The following BCAS1 variants were observed in gnomAD, a reference collection of about 807,000 sequenced individuals.
BCAS1 encodes brain enriched myelin associated protein 1, also known as breast carcinoma-amplified sequence 1.
In BCAS1, 46 loss-of-function variants were observed where a neutral mutation model predicts 65.4. The observed-to-expected ratio is 0.70, with a 90% CI of 0.55 to 0.90. The LOEUF is 0.90. Among genes scored for constraint, BCAS1 ranks in the 40% least tolerant of loss-of-function variants. BCAS1 has a pLI of 0.00. For missense variants in BCAS1, 793 were observed against 771.2 expected, an observed-to-expected ratio of 1.03 and a Z score of -0.33; for synonymous variants, 298 against 293.5, an observed-to-expected ratio of 1.02 and a Z score of -0.16.
Position 54,000,879 on chromosome 20 carries a change from T to C in BCAS1, c.724-4829A>G, listed in dbSNP as rs138144936. 3.6e-3 allele frequency among the ~76,000 whole-genome samples: 539 copies of C among 151,252 alleles called. 4 individuals are homozygous for C. Among genetic ancestry groups the C allele is most frequent in the African/African-American group, 0.013 (519 of 40,530 alleles). On this transcript the variant is annotated intron_variant, in intron 4 of 12. Coordinates refer to ENST00000688948, the MANE Select transcript of BCAS1 (RefSeq NM_001366298.2). ...ATGTCTCTACTTAACTTTCCAAACA[T>C]ATGAGACACATTTATGCTAATCCTT...
chr20:53,992,890 G>A (rs2090799976), intron 6 of BCAS1, among the ~76,000 whole-genome samples: 1 of 151,938 alleles, frequency 6.6e-6, no homozygotes, highest in Non-Finnish European at 1.5e-5. Flanking sequence ...ACACCTCAAA[G>A]CAAGACAGAA....
chr20:53,949,456 G>A (rs1157829989), intron 12 of BCAS1, among the ~76,000 whole-genome samples: 1 of 152,174 alleles, frequency 6.6e-6, no homozygotes, highest in Non-Finnish European at 1.5e-5. Context: ...AGATCATGCA[G>A]GGATCGGCCT....
At chr20:53,991,696 G>A (rs929166834) in intron 7 of BCAS1, among the ~76,000 whole-genome samples, 5 of 152,124 alleles carry the variant, frequency 3.3e-5, no homozygotes, top group South Asian at 2.1e-4. Context: ...GCTTTTTTCC[G>A]CCTGGACTTT....
At chr20:54,067,762 GA>G (rs898237195) in intron 1 of BCAS1, among the ~76,000 whole-genome samples, 3 of 152,020 alleles carry the variant, frequency 2.0e-5, no homozygotes, top group African/African-American at 7.2e-5. Flanking sequence ...TGTTGAATGG[GA>G]GGGGGGGTGG....
chr20:53,980,478 A>G (rs2090449027), intron 8 of BCAS1, among the ~76,000 whole-genome samples: 1 of 152,212 alleles, frequency 6.6e-6, no homozygotes. Flanking sequence ...AGTGATGACA[A>G]CCCACATTAT....
intron 7 of BCAS1, among the ~76,000 whole-genome samples, chr20:53,987,907 G>A (rs541862050): frequency 2.9e-4 from 44 of 152,164 alleles, no homozygotes; most frequent in Non-Finnish European, 5.4e-4. Context: ...AAGTATCGGA[G>A]CAAAGAGTGG....
intron 12 of BCAS1, among the ~76,000 whole-genome samples, chr20:53,948,211 T>G (rs2145457023): frequency 1.3e-5 from 2 of 152,254 alleles, no homozygotes; most frequent in Middle Eastern, 6.8e-3. Flanking sequence ...CTATTAAAGC[T>G]TACTTCCCCG....
At chr20:54,051,402 A>T (rs923338846) in intron 3 of BCAS1, among the ~76,000 whole-genome samples, 15 of 152,212 alleles carry the variant, frequency 9.9e-5, no homozygotes. Flanking sequence ...ATAAATTAAC[A>T]TACCACATGT....
In BCAS1 at chr20:54,034,137, A is replaced by G. The variant is rs376494592; in HGVS notation, c.143-5165T>C. Reference sequence around the variant, plus strand: ...AGGTATTGAAGGAACATACCTCAAAATAATAAGAGCCATGTATGACAAACC... The same window carrying G: ...AGGTATTGAAGGAACATACCTCAAAGTAATAAGAGCCATGTATGACAAACC... On this transcript the variant is annotated intron_variant, in intron 3 of 12. Transcript: ENST00000688948. Among the ~76,000 whole-genome samples the G allele has an allele frequency of 3.3e-5, 5 of 151,462 alleles. No individual in the cohort carries two copies. The South Asian group carries it at 6.3e-4, about 19-fold the overall frequency.
At chr20:54,057,184 C>T (rs1386905955) in intron 3 of BCAS1, among the ~76,000 whole-genome samples, 1 of 152,228 alleles carries the variant, frequency 6.6e-6, no homozygotes. Flanking sequence ...TCAGTTTTAA[C>T]ACTGCCCTCA....
At chr20:53,947,566 C>T (rs780838229) in intron 12 of BCAS1, among the ~76,000 whole-genome samples, 22 of 152,268 alleles carry the variant, frequency 1.4e-4, no homozygotes, top group Non-Finnish European at 2.8e-4. Flanking sequence ...CCATCCCACC[C>T]GGTCCTCACT....
intron 3 of BCAS1, among the ~76,000 whole-genome samples, chr20:54,043,377 G>GA (rs1260713787): frequency 6.6e-6 from 1 of 152,110 alleles, no homozygotes; most frequent in Non-Finnish European, 1.5e-5. Context: ...TTGAGGTAGG[G>GA]AAAAAAATAA....
chr20:54,043,096 C>T (rs183099788), intron 3 of BCAS1, among the ~76,000 whole-genome samples: 9 of 152,224 alleles, frequency 5.9e-5, no homozygotes, highest in Non-Finnish European at 8.8e-5. Flanking sequence ...ACATAGCCAA[C>T]TTACTGGCTT....
chr20:53,970,214 T>A (rs2090144297), intron 9 of BCAS1, among the ~76,000 whole-genome samples: 1 of 152,230 alleles, frequency 6.6e-6, no homozygotes, highest in African/African-American at 2.4e-5. Context: ...CCTTTCCAAA[T>A]GTTGAGAGGT....
At chr20:54,002,003 C>G (rs66737174) in intron 4 of BCAS1, among the ~76,000 whole-genome samples, 25,249 of 151,170 alleles carry the variant, frequency 0.17, 2,368 homozygotes, top group East Asian at 0.27. Context: ...AGAAGGCACT[C>G]TCTCTGGCCC....
At position 54,028,645 on chromosome 20, in the gene BCAS1, G is replaced by T; in HGVS notation, c.470C>A (p.Ala157Asp). The T allele has an allele frequency of 6.2e-7, 1 of 1,614,182 alleles. No individual in the cohort carries two copies. The highest frequency in any genetic ancestry group is 1.3e-5 in the African/African-American group (1 of 75,050). The change falls in exon 4 of 13, where the codon GCC becomes GAC. Residue 157 changes from alanine to aspartate, a missense_variant. Physicochemically the swap from Ala to Asp is moderately radical, Grantham distance 126. Coordinates refer to ENST00000688948, the MANE Select transcript of BCAS1 (RefSeq NM_001366298.2). ...GQDTDKTPGH[A>D]PAQDKVLSAA... is the part of the protein sequence containing the mutation. Reference sequence around the variant, plus strand: ...AGAGAGGACCTTGTCTTGGGCCGGGGCGTGCCCTGGGGTTTTATCTGTGTC... The same window carrying T: ...AGAGAGGACCTTGTCTTGGGCCGGGTCGTGCCCTGGGGTTTTATCTGTGTC...
At position 53,944,572 on chromosome 20, in the gene BCAS1, G is replaced by T; in HGVS notation, c.*350C>A. The stretch of plus-strand genomic sequence containing the variant: ...GATCCACCTGCCTCGGCCTCCCAAA[G>T]TGCTGAGATTACAGGCGAGAGCCAC... On this transcript the variant is annotated 3_prime_UTR_variant, in exon 13 of 13. Transcript: ENST00000688948. The T allele has an allele frequency of 4.2e-6, 1 of 239,778 alleles. No individual in the cohort carries two copies. Among genetic ancestry groups the T allele is most frequent in the South Asian group, 5.7e-5 (1 of 17,466 alleles). The allele number at this position is 239,778 out of a possible 1,614,324, so 14.9% of individuals were successfully genotyped here.
At chr20:53,950,658 C>T (rs890162501) in intron 12 of BCAS1, among the ~76,000 whole-genome samples, 1 of 152,174 alleles carries the variant, frequency 6.6e-6, no homozygotes, top group African/African-American at 2.4e-5. Context: ...CATGCTTCCC[C>T]TTCGAATATG....
chr20:54,019,018 T>C lies in BCAS1; in HGVS notation c.723+9374A>G, dbSNP rs116230674. On this transcript the variant is annotated intron_variant, in intron 4 of 12. Transcript: ENST00000688948. ...TGCTTTAAAATATCATCAACTTTGT[T>C]AATTCAAAAATATAATTAATTAATT... Among the ~76,000 whole-genome samples the C allele has an allele frequency of 3.0e-3, 451 of 152,354 alleles. 2 individuals are homozygous for C. Among genetic ancestry groups the C allele is most frequent in the African/African-American group, 0.01 (433 of 41,588 alleles).
Sources: gnomAD v4.1 joint callset for allele counts (sites outside exome capture counted in the v4.1 genomes callset) on GRCh38, gnomAD v4.1.1 for gene constraint, MANE v1.5 for transcripts, NCBI Gene and HGNC (gene_info 2026-07-23, HGNC 2026-07-21) for gene names.